Variants in PTPRG observed in about 807,000 individuals in gnomAD.
PTPRG encodes the protein receptor-type tyrosine-protein phosphatase gamma.
PTPRG carries 102 observed loss-of-function variants against 165.3 expected under a neutral mutation model. The observed-to-expected ratio is 0.62, with a 90% CI of 0.53 to 0.73. The LOEUF is 0.73. Ranked by LOEUF, PTPRG falls within the 30% of genes least tolerant of loss-of-function variation. The pLI is 0.00. For synonymous variants in PTPRG, 675 were observed against 669.5 expected (o/e 1.01, Z -0.13); for missense variants, 1,866 against 1,861.4 (o/e 1.00, Z -0.05).
In PTPRG at chr3:62,217,830, G is replaced by A. The variant is rs1255919547; in HGVS notation, c.2156-1021G>A. 6.6e-6 allele frequency: 1 copy of A among 152,394 alleles called. No individual in the cohort carries two copies. Among genetic ancestry groups the A allele is most frequent in the Non-Finnish European group, 1.5e-5 (1 of 68,208 alleles). The allele number at this position is 152,394 out of a possible 1,614,324, so 9.4% of individuals were successfully genotyped here. A position where few individuals can be genotyped will look rare whatever the true frequency, so the allele number is the denominator to read the frequency against. On this transcript the variant is annotated intron_variant, in intron 12 of 29. Transcript: ENST00000474889. This position sits in a 1 kb window ranked among gnomAD's most constrained non-coding sequence, Gnocchi z 4.3. ...GCTGAGGCTCCTGGGGACTTCTGAA[G>A]ACATTCAGGGCCTGGAGAGGTGGAG...
intron 1 of PTPRG, among the ~76,000 whole-genome samples, chr3:61,608,196 G>A: frequency 6.6e-6 from 1 of 151,894 alleles, no homozygotes; most frequent in East Asian, 1.9e-4. Flanking sequence ...TTCGTACAGA[G>A]CCTCGGTTTT....
At chr3:62,080,224 A>G (rs900812833) in intron 5 of PTPRG, among the ~76,000 whole-genome samples, 4 of 144,038 alleles carry the variant, frequency 2.8e-5, no homozygotes, top group African/African-American at 8.3e-5. Context: ...ATGTGCTACT[A>G]TGCCCAGCTA....
chr3:61,742,358 T>C, intron 1 of PTPRG: 2 of 854,284 alleles, frequency 2.3e-6, no homozygotes, highest in East Asian at 2.7e-5. Context: ...AGTAGGTGAC[T>C]CTTAGGACAT....
chr3:61,875,223 G>T (rs115051158), intron 2 of PTPRG, among the ~76,000 whole-genome samples: 397 of 152,174 alleles, frequency 2.6e-3, no homozygotes, highest in African/African-American at 9.2e-3. Flanking sequence ...GTTAATAGAG[G>T]CTTCAGCCTT....
chr3:62,088,659 G>A lies in PTPRG; in HGVS notation c.615+10401G>A, dbSNP rs531124116. Among the ~76,000 whole-genome samples the A allele has an allele frequency of 1.6e-4, 24 of 152,322 alleles. 1 individual carries two copies. In the South Asian group the frequency reaches 4.8e-3, roughly 30 times the overall value. On this transcript the variant is annotated intron_variant, in intron 5 of 29. Coordinates refer to ENST00000474889, the MANE Select transcript of PTPRG (RefSeq NM_002841.4). Reference sequence around the variant, plus strand: ...AATTTAATAGAACATTGACTTAGATGTAGAAAAGTAAACAGAGGTAAGAAG... The same window carrying A: ...AATTTAATAGAACATTGACTTAGATATAGAAAAGTAAACAGAGGTAAGAAG...
At chr3:61,727,708 G>A (rs1056870155) in intron 1 of PTPRG, among the ~76,000 whole-genome samples, 1 of 152,186 alleles carries the variant, frequency 6.6e-6, no homozygotes, top group African/African-American at 2.4e-5. Context: ...ACAGGTTAAT[G>A]TGTAAGGTCA....
intron 2 of PTPRG, among the ~76,000 whole-genome samples, chr3:61,793,332 G>A (rs998263938): frequency 6.6e-6 from 1 of 152,142 alleles, no homozygotes; most frequent in East Asian, 1.9e-4. Flanking sequence ...GTGTCTCAAA[G>A]CAAGGCTAAT....
chr3:62,011,003 AG>A (rs2041409344), intron 4 of PTPRG, among the ~76,000 whole-genome samples: 1 of 152,192 alleles, frequency 6.6e-6, no homozygotes, highest in Non-Finnish European at 1.5e-5. Flanking sequence ...CCTTCAGCAA[AG>A]AGAAGGATCC....
intron 4 of PTPRG, among the ~76,000 whole-genome samples, chr3:62,058,666 G>A (rs1393265525): frequency 1.3e-5 from 2 of 152,150 alleles, no homozygotes; most frequent in Admixed American, 6.5e-5. Flanking sequence ...AGCAGTGCAT[G>A]TGTAGGTGCT....
intron 1 of PTPRG, among the ~76,000 whole-genome samples, chr3:61,671,960 A>G (rs1443382586): frequency 4.2e-5 from 5 of 118,894 alleles, no homozygotes; most frequent in Non-Finnish European, 7.2e-5. Flanking sequence ...CTCACTTCCC[A>G]GACGGGGTGG....
intron 4 of PTPRG, among the ~76,000 whole-genome samples, chr3:62,025,655 A>G (rs1270702618): frequency 1.3e-5 from 2 of 152,094 alleles, no homozygotes. Context: ...TCAGGTATCT[A>G]CCTGTCCTTA....
intron 1 of PTPRG, among the ~76,000 whole-genome samples, chr3:61,652,885 C>T (rs1411213333): frequency 2.0e-5 from 3 of 152,170 alleles, no homozygotes; most frequent in Non-Finnish European, 2.9e-5. Context: ...AATGTAACTG[C>T]CAGCTATTTG....
chr3:62,169,247 C>T (rs1705122605), intron 8 of PTPRG, among the ~76,000 whole-genome samples: 1 of 152,130 alleles, frequency 6.6e-6, no homozygotes, highest in Non-Finnish European at 1.5e-5. Context: ...CGCTTCTAGC[C>T]AGTATTTCCC....
intron 2 of PTPRG, among the ~76,000 whole-genome samples, chr3:61,852,979 C>T (rs2037006673): frequency 6.6e-6 from 1 of 152,164 alleles, no homozygotes; most frequent in Non-Finnish European, 1.5e-5. Flanking sequence ...ATGTCCCTTC[C>T]TCTTTGCATC....
rs150126304 is a variant in PTPRG, at chr3:61,955,844, ATAT to A, written c.191-33777_191-33775del. The stretch of plus-strand genomic sequence containing the variant: ...TCTCCTTTAACAACAGGTGATTTTA[ATAT>A]TATCTGAAAAGAAATAAAAATACTT... On this transcript the variant is annotated intron_variant, in intron 2 of 29. Transcript: ENST00000474889. 2.7e-3 allele frequency among the ~76,000 whole-genome samples: 414 copies of A among 152,276 alleles called. 1 individual carries two copies. Among genetic ancestry groups the A allele is most frequent in the African/African-American group, 9.2e-3 (384 of 41,558 alleles).
chr3:61,615,086 C>A (rs1292782720), intron 1 of PTPRG, among the ~76,000 whole-genome samples: 1 of 152,244 alleles, frequency 6.6e-6, no homozygotes, highest in Non-Finnish European at 1.5e-5. Context: ...CAGCCTGGCA[C>A]CCTGTCCCCT....
intron 5 of PTPRG, among the ~76,000 whole-genome samples, chr3:62,110,005 A>G (rs1325215768): frequency 1.3e-5 from 2 of 150,158 alleles, no homozygotes; most frequent in Non-Finnish European, 3.0e-5. Context: ...AGGTCTAAAT[A>G]TCAGCCTTTG....
At position 62,195,053 on chromosome 3, in the gene PTPRG, T is replaced by C. The variant is rs983815216; in HGVS notation, c.1219-9T>C. 2.5e-6 allele frequency: 4 copies of C among 1,613,330 alleles called. No individual in the cohort carries two copies. In the African/African-American group the frequency reaches 4.0e-5, roughly 16 times the overall value. ...ACTAACTCACTGCTTTTTCCTTCTTTACTTACAGAAAGCCACCATTAGCCA... is the reference window on the plus strand; with the variant it reads ...ACTAACTCACTGCTTTTTCCTTCTTCACTTACAGAAAGCCACCATTAGCCA... On this transcript the variant is annotated splice_polypyrimidine_tract_variant and intron_variant, in intron 9 of 29. Transcript: ENST00000474889. The surrounding 1 kb of genome is among the most constrained non-coding windows in gnomAD (Gnocchi z 4.4).
At position 61,958,031 on chromosome 3, in the gene PTPRG, C is replaced by T. The variant is rs149450038; in HGVS notation, c.191-31594C>T. 3.3e-3 allele frequency among the ~76,000 whole-genome samples: 505 copies of T among 152,234 alleles called. 2 individuals are homozygous for T. The highest frequency in any genetic ancestry group is 0.012 in the African/African-American group (482 of 41,532). The stretch of plus-strand genomic sequence containing the variant: ...TTGTTAGTTATCCTTTTTATTCTTC[C>T]AAGCAAACCATGTTAGACTTTATTA... On this transcript the variant is annotated intron_variant, in intron 2 of 29. Transcript: ENST00000474889.
Sources: gnomAD v4.1 joint callset for allele counts (sites outside exome capture counted in the v4.1 genomes callset) on GRCh38, gnomAD v4.1.1 for gene constraint, Gnocchi (gnomAD v3.1) non-coding constraint, MANE v1.5 for transcripts, NCBI Gene and HGNC (gene_info 2026-07-23, HGNC 2026-07-21) for gene names.